The following ZNF57 variants were observed in gnomAD, a reference collection of about 807,000 sequenced individuals.
ZNF57 encodes the protein zinc finger protein 57.
Under a neutral mutation model 13.4 loss-of-function variants are expected in ZNF57, and 11 were observed. The ratio of observed to expected loss-of-function variants is 0.82; its 90% CI spans 0.52 to 1.36. The LOEUF is 1.36. Ranked by LOEUF, ZNF57 falls within the 40% of genes most tolerant of loss-of-function variation. The pLI, the probability that ZNF57 is intolerant of heterozygous loss-of-function variation, is 0.00. For synonymous variants in ZNF57, 224 were observed against 238.5 expected (o/e 0.94, Z 0.56); for missense variants, 696 against 667.5 (o/e 1.04, Z -0.47).
intron 2 of ZNF57, 26 bp downstream of exon 2, chr19:2,915,674 T>C (rs2088185414): frequency 6.2e-7 from 1 of 1,613,196 alleles, no homozygotes; most frequent in Admixed American, 1.7e-5. Flanking sequence ...TTCCTTCCCT[T>C]GGTTTTTAAT....
intron 1 of ZNF57, among the ~76,000 whole-genome samples, chr19:2,909,279 TTG>T (rs2088109162): frequency 8.3e-6 from 1 of 121,074 alleles, no homozygotes; most frequent in Non-Finnish European, 1.8e-5. Context: ...TTATTTATTT[TTG>T]TTTTTTTTTT....
In ZNF57 at chr19:2,906,334, G is replaced by A. The variant is rs536535590; in HGVS notation, c.3+5286G>A. On this transcript the variant is annotated intron_variant, in intron 1 of 3. Coordinates refer to ENST00000306908, the MANE Select transcript of ZNF57 (RefSeq NM_173480.3). ...CTCCCAAAGTGCTGGGAGGAAAGGC[G>A]TGAGCCATGGTGCCCGGCCCTGAGT... Among the ~76,000 whole-genome samples the A allele has an allele frequency of 5.3e-4, 80 of 152,350 alleles. No homozygotes were observed. In the South Asian group the frequency reaches 0.015, roughly 29 times the overall value.
At position 2,910,488 on chromosome 19, in the gene ZNF57, T is replaced by G. The variant is rs2088121241; in HGVS notation, c.4-5034T>G. Reference sequence around the variant, plus strand: ...TTTTTTTTTTTTTTTTGAGACAGAGTCTCACTCTGTTTCCCAGGCTGGAGT... The same window carrying G: ...TTTTTTTTTTTTTTTTGAGACAGAGGCTCACTCTGTTTCCCAGGCTGGAGT... On this transcript the variant is annotated intron_variant, in intron 1 of 3. Transcript: ENST00000306908. Among the ~76,000 whole-genome samples the G allele has an allele frequency of 7.4e-5, 3 of 40,440 alleles. 1 individual carries two copies. Among genetic ancestry groups the G allele is most frequent in the Non-Finnish European group, 1.9e-4 (3 of 15,544 alleles). 26.5% of individuals were successfully genotyped at this position (40,440 alleles called of 152,430 possible). A position where few individuals can be genotyped will look rare whatever the true frequency, so the allele number is the denominator to read the frequency against.
At position 2,917,161 on chromosome 19, in the gene ZNF57, C is replaced by G. The variant is rs1431959435; in HGVS notation, c.540C>G (p.Pro180=). 4 of 1,614,146 alleles carry G rather than the reference C, an allele frequency of 2.5e-6. No homozygotes were observed. The highest frequency in any genetic ancestry group is 3.4e-6 in the Non-Finnish European group (4 of 1,180,010). The part of the protein sequence containing the change: ...GEECKQACIC[P]SHLHSHGRTD... ...AATGTAAGCAGGCCTGCATTTGTCC[C>G]TCACACCTACACAGTCACGGAAGAA... Residue 180 remains proline, a synonymous_variant, in exon 4 of 4, where the codon CCC becomes CCG. Coordinates refer to ENST00000306908, the MANE Select transcript of ZNF57 (RefSeq NM_173480.3).
rs2088023510 is a variant in ZNF57 at position 2,900,970 on chromosome 19, G to A, written c.-76G>A. On this transcript the variant is annotated 5_prime_UTR_variant, in exon 1 of 4. Transcript: ENST00000306908. The stretch of plus-strand genomic sequence containing the variant: ...CCTGCCTACCACGAGCGGCCCGGGA[G>A]TACCTGTACCTTTCAGCTGCGCCGG... 2 of 1,543,540 alleles carry A rather than the reference G, an allele frequency of 1.3e-6. No individual in the cohort carries two copies. Among genetic ancestry groups the A allele is most frequent in the Middle Eastern group, 1.7e-4 (1 of 5,868 alleles).
rs146720396 is a variant in ZNF57 at position 2,917,950 on chromosome 19, G to A, written c.1329G>A (p.Thr443=). The A allele has an allele frequency of 5.0e-5, 81 of 1,608,428 alleles. No homozygotes were observed. The African/African-American group carries it at 6.4e-4, about 13-fold the overall frequency. Residue 443 remains threonine, a synonymous_variant, in exon 4 of 4, where the codon ACG becomes ACA. Transcript: ENST00000306908. The stretch of plus-strand genomic sequence containing the variant: ...TTAGAGAACATGTGAGAATTCACAC[G>A]CAAGAGCAGCTCCATAAATGTGAAC... The part of the protein sequence containing the change: ...STFREHVRIH[T]QEQLHKCEHC...
intron 1 of ZNF57, among the ~76,000 whole-genome samples, chr19:2,904,944 A>G (rs1309681647): frequency 6.6e-6 from 1 of 152,180 alleles, no homozygotes; most frequent in Non-Finnish European, 1.5e-5. Flanking sequence ...CTTGTCATTC[A>G]CAGTGAGATG....
Position 2,916,077 on chromosome 19 carries a change from G to T in ZNF57, c.131-1G>T. 1.2e-6 allele frequency: 2 copies of T among 1,605,402 alleles called. No individual in the cohort carries two copies. The highest frequency in any genetic ancestry group is 2.2e-5 in the East Asian group (1 of 44,804). ...GAGATTTGTTTACTTTTTTGTTGCA[G>T]ATGATGGGACTCAATTTAAAGCCAA... On this transcript the variant is annotated splice_acceptor_variant, in intron 2 of 3. Coordinates refer to ENST00000306908, the MANE Select transcript of ZNF57 (RefSeq NM_173480.3). LOFTEE classifies it high-confidence loss of function.
rs1483639292 is a variant in ZNF57 at position 2,918,168 on chromosome 19, ACTC to A, written c.1553_1555del (p.Ser518del). On this transcript the variant is annotated inframe_deletion, in exon 4 of 4. Transcript: ENST00000306908. ...CAATGTGGGATGTCCTTCAAGTGGC[ACTC>A]CTCCTTCCGGAACCATCTGAGGATG... The A allele has an allele frequency of 6.2e-7, 1 of 1,614,126 alleles. No homozygotes were observed. The highest frequency in any genetic ancestry group is 1.3e-5 in the African/African-American group (1 of 75,002).
intron 1 of ZNF57, among the ~76,000 whole-genome samples, chr19:2,908,299 T>C (rs556654737): frequency 9.2e-5 from 14 of 152,270 alleles, no homozygotes; most frequent in African/African-American, 3.1e-4. Context: ...TAGTATAACG[T>C]TGACTAGAGG....
chr19:2,904,844 T>TC (rs2088059237), intron 1 of ZNF57, among the ~76,000 whole-genome samples: 1 of 151,850 alleles, frequency 6.6e-6, no homozygotes, highest in South Asian at 2.1e-4. Context: ...GCACCTGGCC[T>TC]CCCTCGTAGC....
At chr19:2,908,871 T>G (rs929003681) in intron 1 of ZNF57, among the ~76,000 whole-genome samples, 1 of 151,256 alleles carries the variant, frequency 6.6e-6, no homozygotes, top group Non-Finnish European at 1.5e-5. Flanking sequence ...CTCTAGAGAT[T>G]TGGCTGTTCT....
At position 2,910,530 on chromosome 19, in the gene ZNF57, T is replaced by C. The variant is rs555667088; in HGVS notation, c.4-4992T>C. Among the ~76,000 whole-genome samples, 335 of 75,600 alleles carry C rather than the reference T, an allele frequency of 4.4e-3. 62 individuals carry two copies. Among genetic ancestry groups the C allele is most frequent in the Middle Eastern group, 0.013 (2 of 158 alleles). The allele number at this position is 75,600 out of a possible 152,430, so 49.6% of individuals were successfully genotyped here. ...GGCTGGAGTGCAGTGGCGCGATCTC[T>C]GCTCACTGCAAGCGCCGCCTCCTGG... On this transcript the variant is annotated intron_variant, in intron 1 of 3. Coordinates refer to ENST00000306908, the MANE Select transcript of ZNF57 (RefSeq NM_173480.3).
At position 2,917,095 on chromosome 19, in the gene ZNF57, C is replaced by A. The variant is rs190426178; in HGVS notation, c.474C>A (p.His158Gln). The change falls in exon 4 of 4, where the codon CAC becomes CAA. Residue 158 changes from histidine to glutamine, a missense_variant. This residue lies in a region of ZNF57 where 645 missense variants were observed against 591.5 expected (regional missense o/e 1.09). Transcript: ENST00000306908. ...CGCATCTTTCTTCTCTTAAAAGGCACGTCAAGTCTCACTGTGGACGAAAAG... is the reference window on the plus strand; with the variant it reads ...CGCATCTTTCTTCTCTTAAAAGGCAAGTCAAGTCTCACTGTGGACGAAAAG... ...VFTHLSSLKR[H>Q]VKSHCGRKAP... 1.3e-4 allele frequency: 203 copies of A among 1,614,088 alleles called. No homozygotes were observed. The highest frequency in any genetic ancestry group is 2.5e-4 in the Admixed American group (15 of 60,004).
rs373597016 is a variant in ZNF57 at position 2,918,025 on chromosome 19, G to T, written c.1404G>T (p.Arg468Ser). 35 of 1,614,026 alleles carry T rather than the reference G, an allele frequency of 2.2e-5. No homozygotes were observed. The East Asian group carries it at 7.6e-4, about 35-fold the overall frequency. Residue 468 changes from arginine (R) to serine (S), a missense_variant, in exon 4 of 4, where the codon AGG (arginine) becomes AGT (serine). Around this residue, in one of 3 missense-constraint regions of ZNF57, gnomAD observed 645 missense variants for 591.5 expected, o/e 1.09. Coordinates refer to ENST00000306908, the MANE Select transcript of ZNF57 (RefSeq NM_173480.3). ...TSSRAFQGHL[R>S]MHTGEKPYEC... ...CCAGAGCATTCCAAGGTCATTTGAG[G>T]ATGCACACTGGAGAGAAGCCTTATG...
chr19:2,901,007 CG>C lies in ZNF57; in HGVS notation c.-37del. 1 of 1,553,768 alleles carries C rather than the reference CG, an allele frequency of 6.4e-7. No individual in the cohort carries two copies. The highest frequency in any genetic ancestry group is 8.7e-7 in the Non-Finnish European group (1 of 1,147,892). ...TTCAGCTGCGCCGGCCGCGAGGCCA[CG>C]GAGAGCTCGCCTTGGAGAGCCCAGG... On this transcript the variant is annotated 5_prime_UTR_variant, in exon 1 of 4. Coordinates refer to ENST00000306908, the MANE Select transcript of ZNF57 (RefSeq NM_173480.3).
chr19:2,911,740 G>A (rs1457160729), intron 1 of ZNF57, among the ~76,000 whole-genome samples: 1 of 152,108 alleles, frequency 6.6e-6, no homozygotes, highest in Non-Finnish European at 1.5e-5. Context: ...GCCACACCCA[G>A]TCTACTCATG....
intron 1 of ZNF57, among the ~76,000 whole-genome samples, chr19:2,909,281 GTTTT>G (rs753880478): frequency 4.7e-5 from 5 of 107,166 alleles, no homozygotes; most frequent in African/African-American, 1.0e-4. Flanking sequence ...ATTTATTTTT[GTTTT>G]TTTTTTTTTT....
chr19:2,913,054 AGCGATTCTCCC>A (rs1485698439), intron 1 of ZNF57, among the ~76,000 whole-genome samples: 1 of 152,102 alleles, frequency 6.6e-6, no homozygotes, highest in Non-Finnish European at 1.5e-5. Flanking sequence ...CCTGGGTTCA[AGCGATTCTCCC>A]TCCTCAGCCT....
Sources: allele counts gnomAD v4.1 joint callset (sites outside exome capture counted in the v4.1 genomes callset), GRCh38; gene constraint gnomAD v4.1.1; regional missense constraint gnomAD v4.1.1; transcripts MANE v1.5; gene names NCBI Gene and HGNC (gene_info 2026-07-23, HGNC 2026-07-21).